Variants in NR6A1 observed in about 807,000 individuals in gnomAD.
NR6A1 encodes the protein nuclear receptor subfamily 6 group A member 1.
A neutral mutation model predicts 59.1 loss-of-function variants in NR6A1; 7 were observed. The ratio of observed to expected loss-of-function variants is 0.12; its 90% CI spans 0.07 to 0.22. NR6A1 has a LOEUF of 0.22. Among genes scored for constraint, NR6A1 ranks in the 10% least tolerant of loss-of-function variants. The probability of loss-of-function intolerance (pLI) is 1.00; values close to 1 mark genes in which losing one functional copy is unlikely to be tolerated. For missense variants in NR6A1, 468 were observed against 611.6 expected, an observed-to-expected ratio of 0.77 and a Z score of 2.48; for synonymous variants, 243 against 236.1, an observed-to-expected ratio of 1.03 and a Z score of -0.27.
intron 2 of NR6A1, among the ~76,000 whole-genome samples, chr9:124,677,580 A>C (rs1241191481): frequency 2.0e-5 from 3 of 151,960 alleles, no homozygotes; most frequent in African/African-American, 7.3e-5. Flanking sequence ...ACCTTTTGAG[A>C]TATAATTTAC....
In NR6A1 at chr9:124,520,408, T is replaced by C. The variant is rs1176322382; in HGVS notation, c.*2297A>G. The C allele has an allele frequency of 1.3e-5, 2 of 152,182 alleles. No individual in the cohort carries two copies. The highest frequency in any genetic ancestry group is 4.8e-5 in the African/African-American group (2 of 41,446). The allele number at this position is 152,182 out of a possible 1,614,324, so 9.4% of individuals were successfully genotyped here. ...AATCTGCTGCAAACATTTGTAAAACTGGATTTGTACAATGGCAACTTGCAG... is the reference window on the plus strand; with the variant it reads ...AATCTGCTGCAAACATTTGTAAAACCGGATTTGTACAATGGCAACTTGCAG... On this transcript the variant is annotated 3_prime_UTR_variant, in exon 10 of 10. Transcript: ENST00000487099.
At chr9:124,566,422 C>A (rs1362969686) in intron 2 of NR6A1, among the ~76,000 whole-genome samples, 1 of 152,030 alleles carries the variant, frequency 6.6e-6, no homozygotes, top group Non-Finnish European at 1.5e-5. Context: ...TAAAACACAG[C>A]AGAGCACTCC....
At position 124,635,926 on chromosome 9, in the gene NR6A1, T is replaced by C. The variant is rs985503867; in HGVS notation, c.143-81356A>G. ...TATGGTAAGAGTATGTTTAATTTTG[T>C]AAGACAAACTGTCTTTCAAAGTAGC... On this transcript the variant is annotated intron_variant, in intron 2 of 9. Transcript: ENST00000487099. Among the ~76,000 whole-genome samples, 13 of 152,372 alleles carry C rather than the reference T, an allele frequency of 8.5e-5. No homozygotes were observed. The East Asian group carries it at 2.5e-3, about 29-fold the overall frequency.
chr9:124,583,208 T>C (rs956460668), intron 2 of NR6A1, among the ~76,000 whole-genome samples: 1 of 151,906 alleles, frequency 6.6e-6, no homozygotes, highest in Admixed American at 6.6e-5. Context: ...TGGGAAAAGT[T>C]TGGATAAGAT....
At position 124,771,025 on chromosome 9, in the gene NR6A1, C is replaced by A. The variant is rs1455561625; in HGVS notation, c.95G>T (p.Arg32Leu). The A allele has an allele frequency of 8.1e-7, 1 of 1,229,234 alleles. No homozygotes were observed. The highest frequency in any genetic ancestry group is 3.2e-5 in the East Asian group (1 of 31,576). The allele number at this position is 1,229,234 out of a possible 1,614,324, so 76.1% of individuals were successfully genotyped here. The change falls in exon 1 of 10, where the codon CGC becomes CTC. Residue 32 changes from arginine (R) to leucine (L), a missense_variant. Arg to Leu is a moderately radical substitution (Grantham distance 102). Around this residue, in one of 4 missense-constraint regions of NR6A1, gnomAD observed 75 missense variants for 65.6 expected, o/e 1.14. Transcript: ENST00000487099. ...EPPAALPPPP[R>L]NGFCQDELAE... is the part of the protein sequence containing the mutation. ...GTCGCAGGCCCCTCACCCACCGTTG[C>A]GCGGCGGCGGAGGGAGCGCGGCGGG...
intron 2 of NR6A1, among the ~76,000 whole-genome samples, chr9:124,721,334 G>A (rs941094877): frequency 7.9e-5 from 12 of 152,162 alleles, no homozygotes; most frequent in African/African-American, 1.4e-4. Flanking sequence ...TTCACCCTAA[G>A]CTCTGGATCT....
intron 2 of NR6A1, among the ~76,000 whole-genome samples, chr9:124,644,050 G>A (rs1039595892): frequency 3.3e-5 from 5 of 151,864 alleles, no homozygotes; most frequent in Admixed American, 6.6e-5. Flanking sequence ...ACAGGCACGC[G>A]CCACCATGCC....
intron 8 of NR6A1, among the ~76,000 whole-genome samples, chr9:124,525,139 A>G (rs1832896623): frequency 6.6e-6 from 1 of 152,156 alleles, no homozygotes; most frequent in Admixed American, 6.6e-5. Context: ...CCAAACTCCC[A>G]AAACAACCAG....
intron 8 of NR6A1, among the ~76,000 whole-genome samples, chr9:124,525,671 A>G (rs1175557818): frequency 6.6e-6 from 1 of 151,216 alleles, no homozygotes; most frequent in Non-Finnish European, 1.5e-5. Flanking sequence ...CATTTTTTCT[A>G]AATAGATCTC....
chr9:124,554,791 TC>T (rs1249961533), intron 2 of NR6A1, among the ~76,000 whole-genome samples: 1 of 152,170 alleles, frequency 6.6e-6, no homozygotes, highest in Admixed American at 6.5e-5. Flanking sequence ...CTGGGTTTCA[TC>T]AACACTTGGA....
intron 2 of NR6A1, among the ~76,000 whole-genome samples, chr9:124,672,246 A>G (rs1222336458): frequency 6.6e-6 from 1 of 152,238 alleles, no homozygotes; most frequent in African/African-American, 2.4e-5. Context: ...ACTATTACAG[A>G]TAATGCTATG....
intron 2 of NR6A1, among the ~76,000 whole-genome samples, chr9:124,670,197 T>G (rs188104523): frequency 1.4e-5 from 2 of 142,000 alleles, no homozygotes; most frequent in Non-Finnish European, 3.0e-5. Flanking sequence ...CCAGCCAACA[T>G]AGCAAGACCT....
intron 1 of NR6A1, among the ~76,000 whole-genome samples, chr9:124,767,336 G>C (rs1274152576): frequency 2.0e-5 from 3 of 151,980 alleles, no homozygotes; most frequent in Non-Finnish European, 4.4e-5. Context: ...TAGGAATCAT[G>C]TCATCATATT....
At chr9:124,630,209 A>AT (rs1836384026) in intron 2 of NR6A1, among the ~76,000 whole-genome samples, 24 of 114,870 alleles carry the variant, frequency 2.1e-4, no homozygotes, top group Admixed American at 9.9e-5. Flanking sequence ...CCTCCAAATC[A>AT]GTTTTTTTTT....
intron 2 of NR6A1, among the ~76,000 whole-genome samples, chr9:124,724,363 C>T (rs916515110): frequency 1.3e-5 from 2 of 149,836 alleles, no homozygotes; most frequent in Non-Finnish European, 3.0e-5. Flanking sequence ...CCAGTTTAAA[C>T]AAAAACAATG....
chr9:124,543,426 A>C (rs1286290478), intron 4 of NR6A1, among the ~76,000 whole-genome samples: 1 of 152,206 alleles, frequency 6.6e-6, no homozygotes, highest in Non-Finnish European at 1.5e-5. Flanking sequence ...TAAGACAATA[A>C]TATTCTGCTG....
At chr9:124,619,381 G>T (rs1185997588) in intron 2 of NR6A1, among the ~76,000 whole-genome samples, 1 of 151,942 alleles carries the variant, frequency 6.6e-6, no homozygotes, top group Non-Finnish European at 1.5e-5. Context: ...CTCCTGCCTT[G>T]GCCTACCAAG....
chr9:124,734,866 G>A (rs1246479124), intron 1 of NR6A1, among the ~76,000 whole-genome samples: 1 of 152,042 alleles, frequency 6.6e-6, no homozygotes, highest in Non-Finnish European at 1.5e-5. Context: ...TGTTTGATAC[G>A]GAGTTTTGCT....
chr9:124,566,088 G>T (rs377677215), intron 2 of NR6A1, among the ~76,000 whole-genome samples: 9 of 152,188 alleles, frequency 5.9e-5, no homozygotes, highest in Admixed American at 3.3e-4. Flanking sequence ...GATGGTATGC[G>T]TTCAACAATG....
Sources: allele counts gnomAD v4.1 joint callset (sites outside exome capture counted in the v4.1 genomes callset), GRCh38; gene constraint gnomAD v4.1.1; regional missense constraint gnomAD v4.1.1; transcripts MANE v1.5; gene names NCBI Gene and HGNC (gene_info 2026-07-23, HGNC 2026-07-21).